GTF2I: variants seen among roughly 807,000 people sequenced by gnomAD.
GTF2I encodes general transcription factor II-I.
In GTF2I, 12 loss-of-function variants were observed where a neutral mutation model predicts 67.6. The observed-to-expected ratio is 0.18, with a 90% CI of 0.11 to 0.29. The LOEUF (loss-of-function observed/expected upper bound fraction) is 0.29. GTF2I is among the 10% of genes least tolerant of loss of function. The pLI is 1.00. For missense variants in GTF2I, 271 were observed against 580.1 expected, an observed-to-expected ratio of 0.47 and a Z score of 5.47; for synonymous variants, 149 against 197.0, an observed-to-expected ratio of 0.76 and a Z score of 2.04.
chr7:74,703,414 G>T (rs955970325), intron 6 of GTF2I, among the ~76,000 whole-genome samples: 3 of 151,118 alleles, frequency 2.0e-5, no homozygotes, highest in Non-Finnish European at 2.9e-5. Context: ...GAGTCTCGCT[G>T]TGTCACCCAG....
chr7:74,676,756 A>T (rs1175273311), intron 1 of GTF2I, among the ~76,000 whole-genome samples: 1 of 152,128 alleles, frequency 6.6e-6, no homozygotes, highest in African/African-American at 2.4e-5. Context: ...ACATGGAAAT[A>T]TTAAATACCA....
At chr7:74,690,878 CT>C in intron 2 of GTF2I, 94 bp from the exon 3 acceptor site, 2 of 1,145,902 alleles carry the variant, frequency 1.7e-6, no homozygotes, top group Non-Finnish European at 2.5e-6. Context: ...AGAGAAGTAC[CT>C]TTAAAAAATG....
Position 74,668,559 on chromosome 7 carries a change from ATATT to A in GTF2I, c.-6+10519_-6+10522del, listed in dbSNP as rs587731389. Among the ~76,000 whole-genome samples, 133 of 151,116 alleles carry A rather than the reference ATATT, an allele frequency of 8.8e-4. 1 individual carries two copies. The highest frequency in any genetic ancestry group is 2.3e-3 in the African/African-American group (96 of 41,224). On this transcript the variant is annotated intron_variant, in intron 1 of 34. Transcript: ENST00000573035. ...TTTCCATACACAGTCCTTAAAGATC[ATATT>A]TATTTATTTATTTATTTATTTATTT...
At chr7:74,753,380 T>C in intron 29 of GTF2I, among the ~76,000 whole-genome samples, 1 of 152,206 alleles carries the variant, frequency 6.6e-6, no homozygotes, top group African/African-American at 2.4e-5. Context: ...TTAATGAATT[T>C]AAGGTTCACC....
chr7:74,664,917 C>A (rs587632457), intron 1 of GTF2I, among the ~76,000 whole-genome samples: 1 of 152,094 alleles, frequency 6.6e-6, no homozygotes, highest in East Asian at 1.9e-4. Flanking sequence ...GGGCATTTCA[C>A]TTCATCTTTG....
chr7:74,725,526 A>G (rs1793647111), intron 12 of GTF2I, among the ~76,000 whole-genome samples: 1 of 52,760 alleles, frequency 1.9e-5, no homozygotes. Context: ...TATCTCTACA[A>G]AAGTTAAAAA....
chr7:74,723,456 A>G, intron 12 of GTF2I, among the ~76,000 whole-genome samples: 1 of 7,500 alleles, frequency 1.3e-4, no homozygotes, highest in Non-Finnish European at 2.3e-4. Context: ...TTTAAGACGG[A>G]GTCTTGCTCT....
At chr7:74,712,487 A>AGTGTGTGTGT (rs142200093) in intron 9 of GTF2I, among the ~76,000 whole-genome samples, 54 of 131,842 alleles carry the variant, frequency 4.1e-4, no homozygotes, top group African/African-American at 1.4e-3. Flanking sequence ...TTCTCCCGGG[A>AGTGTGTGTGT]GTGTGTGTGT....
intron 1 of GTF2I, among the ~76,000 whole-genome samples, chr7:74,669,540 CT>C (rs797035367): frequency 1.6e-3 from 203 of 129,824 alleles, no homozygotes; most frequent in Middle Eastern, 5.6e-3. Flanking sequence ...TGGAAGGTGA[CT>C]TTTTTTTTTT....
intron 1 of GTF2I, among the ~76,000 whole-genome samples, chr7:74,677,297 A>C (rs1805982503): frequency 6.6e-6 from 1 of 152,150 alleles, no homozygotes; most frequent in Admixed American, 6.6e-5. Flanking sequence ...TTACTTGATG[A>C]ATTTTAACTT....
intron 11 of GTF2I, 82 bp from the exon 12 acceptor site, chr7:74,718,797 G>T: frequency 1.5e-6 from 1 of 671,374 alleles, no homozygotes. Flanking sequence ...GCTGCTTTTG[G>T]AGTATCAAAT....
intron 1 of GTF2I, among the ~76,000 whole-genome samples, chr7:74,685,956 G>C (rs1787690177): frequency 6.6e-6 from 1 of 152,058 alleles, no homozygotes; most frequent in Non-Finnish European, 1.5e-5. Flanking sequence ...TGGAGGCTGA[G>C]GTGGGAGAAT....
At chr7:74,670,668 C>T (rs1212416797) in intron 1 of GTF2I, among the ~76,000 whole-genome samples, 2 of 145,616 alleles carry the variant, frequency 1.4e-5, no homozygotes, top group South Asian at 2.1e-4. Flanking sequence ...CTAGCCTGAA[C>T]GACAGAGTCA....
intron 3 of GTF2I, among the ~76,000 whole-genome samples, chr7:74,695,048 C>T (rs1788752788): frequency 6.6e-6 from 1 of 152,198 alleles, no homozygotes; most frequent in African/African-American, 2.4e-5. Flanking sequence ...AAAAAGATTG[C>T]TTTCAAAATA....
At chr7:74,718,554 C>G (rs1223743223) in intron 11 of GTF2I, among the ~76,000 whole-genome samples, 2 of 152,210 alleles carry the variant, frequency 1.3e-5, no homozygotes, top group African/African-American at 4.8e-5. Context: ...TTGTTTCTAT[C>G]CGAGCATCTT....
At chr7:74,721,644 G>T (rs1793018407) in intron 12 of GTF2I, among the ~76,000 whole-genome samples, 1 of 152,000 alleles carries the variant, frequency 6.6e-6, no homozygotes, top group South Asian at 2.1e-4. Context: ...GGAAGGTCAA[G>T]TGAGAACTTA....
At chr7:74,658,511 G>C (rs1390462807) in intron 1 of GTF2I, among the ~76,000 whole-genome samples, 4 of 148,418 alleles carry the variant, frequency 2.7e-5, no homozygotes, top group Non-Finnish European at 4.5e-5. Context: ...TAGGCGGTGC[G>C]GGGGCGCGCG....
At chr7:74,665,208 C>T (rs111366660) in intron 1 of GTF2I, among the ~76,000 whole-genome samples, 13 of 151,782 alleles carry the variant, frequency 8.6e-5, no homozygotes, top group African/African-American at 3.1e-4. Flanking sequence ...TCCCAAAGTG[C>T]TGGGATTACA....
At chr7:74,703,208 A>G (rs897247180) in intron 6 of GTF2I, among the ~76,000 whole-genome samples, 16 of 151,898 alleles carry the variant, frequency 1.1e-4, no homozygotes, top group East Asian at 3.9e-4. Flanking sequence ...TCTTTTTGCA[A>G]TGGTGTCACT....
Sources: allele counts gnomAD v4.1 joint callset (sites outside exome capture counted in the v4.1 genomes callset), GRCh38; gene constraint gnomAD v4.1.1; transcripts MANE v1.5; gene names NCBI Gene and HGNC (gene_info 2026-07-23, HGNC 2026-07-21).